The following NEBL variants were observed in gnomAD, a reference collection of about 807,000 sequenced individuals.
NEBL encodes nebulette, also known as LIM and SH3 protein 2.
Under a neutral mutation model 140.2 loss-of-function variants are expected in NEBL, and 122 were observed. That is an observed-to-expected ratio of 0.87 (90% CI 0.75 to 1.01). The LOEUF is 1.01. Ranked by LOEUF, NEBL falls within the 50% of genes least tolerant of loss-of-function variation. The pLI is 0.00. For synonymous variants in NEBL, 436 were observed against 398.9 expected (o/e 1.09, Z -1.11); for missense variants, 1,365 against 1,231.3 (o/e 1.11, Z -1.62).
chr10:20,916,772 G>T (rs1309963734), intron 4 of NEBL, among the ~76,000 whole-genome samples: 1 of 152,062 alleles, frequency 6.6e-6, no homozygotes, highest in Non-Finnish European at 1.5e-5. Context: ...TATAAAATGC[G>T]TGCCCATCTG....
At chr10:21,106,680 G>A (rs1837732500) in intron 2 of NEBL, among the ~76,000 whole-genome samples, 1 of 152,056 alleles carries the variant, frequency 6.6e-6, no homozygotes, top group African/African-American at 2.4e-5. Context: ...CTCTTTTTTG[G>A]TTCCATATGA....
chr10:21,275,287 GGCTTTCTGCAT>G (rs1842906092), intron 1 of NEBL, among the ~76,000 whole-genome samples: 1 of 152,124 alleles, frequency 6.6e-6, no homozygotes. Flanking sequence ...TAAATACACT[GGCTTTCTGCAT>G]CTCTCTTCCT....
intron 3 of NEBL, among the ~76,000 whole-genome samples, chr10:21,233,709 T>A (rs11595466): frequency 0.02 from 2,801 of 138,868 alleles, 66 homozygotes; most frequent in South Asian, 0.083. Context: ...TATTTATATA[T>A]GCATATATAT....
chr10:21,017,814 T>G (rs937055018), intron 3 of NEBL, among the ~76,000 whole-genome samples: 10 of 151,502 alleles, frequency 6.6e-5, no homozygotes, highest in Non-Finnish European at 1.3e-4. Flanking sequence ...TCCACACTGA[T>G]TCTTCTCTTT....
In NEBL at chr10:20,835,722, A is replaced by G. The variant is rs1840825521; in HGVS notation, c.1339-99T>C. 1.3e-5 allele frequency: 11 copies of G among 855,926 alleles called. No homozygotes were observed. The Admixed American group carries it at 1.9e-4, about 15-fold the overall frequency. The allele number at this position is 855,926 out of a possible 1,614,324, so 53.0% of individuals were successfully genotyped here. ...AAAAAAATAGTTAGACATATTTTAC[A>G]AAAGAGGTAACAAAGCTCCTTGAGT... On this transcript the variant is annotated intron_variant, in intron 13 of 27. Transcript: ENST00000377122.
At chr10:21,194,010 T>C (rs985611642) in intron 3 of NEBL, among the ~76,000 whole-genome samples, 18 of 152,240 alleles carry the variant, frequency 1.2e-4, no homozygotes, top group African/African-American at 3.9e-4. Flanking sequence ...GGTCTTGCTC[T>C]GTTGCCCAAG....
At chr10:20,942,246 G>C (rs1043671458) in intron 4 of NEBL, among the ~76,000 whole-genome samples, 36 of 152,278 alleles carry the variant, frequency 2.4e-4, no homozygotes, top group African/African-American at 8.4e-4. Flanking sequence ...CAGTGATATA[G>C]ACAAATGGAA....
chr10:21,187,270 A>G (rs1589321025), intron 3 of NEBL, among the ~76,000 whole-genome samples: 1 of 152,016 alleles, frequency 6.6e-6, no homozygotes, highest in East Asian at 1.9e-4. Flanking sequence ...TCTTCCCTTT[A>G]TAAATTGCCC....
chr10:20,991,568 T>C (rs1170065945), intron 3 of NEBL, among the ~76,000 whole-genome samples: 2 of 152,204 alleles, frequency 1.3e-5, no homozygotes, highest in African/African-American at 4.8e-5. Flanking sequence ...AATTTGTTTA[T>C]ATAAATGCTC....
At chr10:21,283,862 C>A (rs1245717304) in intron 1 of NEBL, among the ~76,000 whole-genome samples, 4 of 151,750 alleles carry the variant, frequency 2.6e-5, no homozygotes, top group Non-Finnish European at 5.9e-5. Context: ...TATTTTAGGT[C>A]TTAGACTGCA....
chr10:20,871,591 A>T (rs1208048924), intron 5 of NEBL, among the ~76,000 whole-genome samples: 3 of 152,172 alleles, frequency 2.0e-5, no homozygotes, highest in African/African-American at 4.8e-5. Context: ...CACCACCAAG[A>T]CTATTTTTTA....
intron 1 of NEBL, among the ~76,000 whole-genome samples, chr10:21,289,310 C>G (rs116412939): frequency 3.6e-4 from 55 of 152,104 alleles, no homozygotes; most frequent in Non-Finnish European, 5.9e-4. Flanking sequence ...TCAGTATTCA[C>G]GGAGATCATG....
intron 1 of NEBL, among the ~76,000 whole-genome samples, chr10:21,272,838 C>T (rs962061073): frequency 1.3e-5 from 2 of 152,096 alleles, no homozygotes; most frequent in African/African-American, 2.4e-5. Flanking sequence ...GACAGTTGAG[C>T]GTGCATTTTT....
chr10:21,284,138 A>T (rs906015179), intron 1 of NEBL, among the ~76,000 whole-genome samples: 1 of 132,876 alleles, frequency 7.5e-6, no homozygotes, highest in Non-Finnish European at 1.6e-5. Context: ...AGAACCCAGG[A>T]GGCAGAGGTT....
Position 20,918,862 on chromosome 10 carries a change from T to TTAAA in NEBL, c.357+42806_357+42809dup, listed in dbSNP as rs368628865. Among the ~76,000 whole-genome samples the TTAAA allele has an allele frequency of 5.5e-4, 84 of 151,364 alleles. No homozygotes were observed. The East Asian group carries it at 8.1e-3, about 15-fold the overall frequency. ...CGAGACTCCGCCTCAAAAAAATAAA[T>TTAAA]TAAATAAATAAATAAATAAATAATA... On this transcript the variant is annotated intron_variant, in intron 4 of 6. Transcript: ENST00000417816.
intron 4 of NEBL, among the ~76,000 whole-genome samples, chr10:20,883,143 A>G (rs1846175930): frequency 1.3e-5 from 2 of 152,184 alleles, no homozygotes; most frequent in Admixed American, 6.5e-5. Flanking sequence ...GAACTGTTAG[A>G]TTTAATCCAG....
chr10:21,169,067 A>AAAAAAAAAAAAT (rs1554830679), intron 2 of NEBL, among the ~76,000 whole-genome samples: 1 of 23,078 alleles, frequency 4.3e-5, no homozygotes, highest in African/African-American at 1.3e-4. Context: ...AAAAAAAAAA[A>AAAAAAAAAAAAT]ATATATATAT....
At chr10:21,019,915 A>G (rs565938843) in intron 3 of NEBL, among the ~76,000 whole-genome samples, 2 of 152,182 alleles carry the variant, frequency 1.3e-5, no homozygotes, top group East Asian at 3.9e-4. Context: ...GAATAACAAA[A>G]CTGAGAATAT....
At chr10:20,916,735 G>C (rs1848572769) in intron 4 of NEBL, among the ~76,000 whole-genome samples, 1 of 152,092 alleles carries the variant, frequency 6.6e-6, no homozygotes, top group Admixed American at 6.6e-5. Flanking sequence ...ATATTCTCTT[G>C]ATTAAAAGCT....
Sources: gnomAD v4.1 joint callset for allele counts (sites outside exome capture counted in the v4.1 genomes callset) on GRCh38, gnomAD v4.1.1 for gene constraint, MANE v1.5 for transcripts, NCBI Gene and HGNC (gene_info 2026-07-23, HGNC 2026-07-21) for gene names.